Variants in ARHGEF38 observed in about 807,000 individuals in gnomAD.
The protein encoded by ARHGEF38 is Rho guanine nucleotide exchange factor (GEF) 38.
A neutral mutation model predicts 79.9 loss-of-function variants in ARHGEF38; 79 were observed. That is an observed-to-expected ratio of 0.99 (90% confidence interval 0.82 to 1.19). ARHGEF38 has a LOEUF of 1.19. Among genes scored for constraint, ARHGEF38 ranks in the 50% most tolerant of loss-of-function variants. The pLI, the probability that ARHGEF38 is intolerant of heterozygous loss-of-function variation, is 0.00. For synonymous variants in ARHGEF38, 366 were observed against 328.3 expected, an observed-to-expected ratio of 1.11 and a Z score of -1.24; for missense variants, 962 against 907.2, an observed-to-expected ratio of 1.06 and a Z score of -0.78.
chr4:105,565,956 C>T (rs1394654637), intron 1 of ARHGEF38, among the ~76,000 whole-genome samples: 1 of 152,100 alleles, frequency 6.6e-6, no homozygotes, highest in Non-Finnish European at 1.5e-5. Flanking sequence ...TTAGACTAAG[C>T]TTAACTCCCT....
At chr4:105,663,849 A>G (rs1730651611) in intron 10 of ARHGEF38, among the ~76,000 whole-genome samples, 1 of 152,130 alleles carries the variant, frequency 6.6e-6, no homozygotes, top group South Asian at 2.1e-4. Context: ...ACATGCCTGT[A>G]ATCCCAGCTA....
chr4:105,598,139 TCACGCTATG>T (rs1210340329), intron 2 of ARHGEF38, among the ~76,000 whole-genome samples: 2 of 152,206 alleles, frequency 1.3e-5, no homozygotes, highest in Non-Finnish European at 2.9e-5. Flanking sequence ...TGGCTGTTTC[TCACGCTATG>T]CTTGAAACAC....
At chr4:105,559,008 A>G (rs1052032226) in intron 1 of ARHGEF38, among the ~76,000 whole-genome samples, 2 of 150,746 alleles carry the variant, frequency 1.3e-5, no homozygotes, top group African/African-American at 2.4e-5. Flanking sequence ...AGAGAAAAGC[A>G]CCCAAGCCAC....
intron 2 of ARHGEF38, 26 bp from the exon 3 acceptor site, chr4:105,613,358 C>G: frequency 6.2e-7 from 1 of 1,606,184 alleles, no homozygotes; most frequent in Non-Finnish European, 8.5e-7. Flanking sequence ...GCTTCTCCAT[C>G]AGCTCAATGT....
intron 5 of ARHGEF38, among the ~76,000 whole-genome samples, chr4:105,642,158 T>C (rs1284719423): frequency 6.6e-6 from 1 of 151,920 alleles, no homozygotes; most frequent in African/African-American, 2.4e-5. Context: ...TTAGATGGGG[T>C]GAATTTTGTG....
chr4:105,581,269 A>T (rs539175835), intron 1 of ARHGEF38, among the ~76,000 whole-genome samples: 2 of 152,088 alleles, frequency 1.3e-5, no homozygotes, highest in East Asian at 3.9e-4. Flanking sequence ...TTGGTGGGAG[A>T]TGTTTCTCCT....
intron 4 of ARHGEF38, chr4:105,632,643 A>C (rs1349473190): frequency 6.6e-6 from 1 of 152,160 alleles, no homozygotes; most frequent in African/African-American, 2.4e-5. Context: ...GCAAGATCTG[A>C]TCCAATAAAA....
chr4:105,678,090 C>T lies in ARHGEF38; in HGVS notation c.*153C>T, dbSNP rs1688592841. ...TTTTCAGGAATACTGTACTTCCTAACAGGATTATTGCATGAATGTATTATA... is the reference window on the plus strand; with the variant it reads ...TTTTCAGGAATACTGTACTTCCTAATAGGATTATTGCATGAATGTATTATA... On this transcript the variant is annotated 3_prime_UTR_variant, in exon 14 of 14. Transcript: ENST00000420470. 1.9e-6 allele frequency: 1 copy of T among 534,162 alleles called. No homozygotes were observed. Among genetic ancestry groups the T allele is most frequent in the East Asian group, 3.0e-5 (1 of 33,856 alleles). The allele number at this position is 534,162 out of a possible 1,614,324, so 33.1% of individuals were successfully genotyped here.
intron 5 of ARHGEF38, among the ~76,000 whole-genome samples, chr4:105,639,469 A>G (rs1729533996): frequency 6.6e-6 from 1 of 151,954 alleles, no homozygotes; most frequent in African/African-American, 2.4e-5. Flanking sequence ...TTAGTTTATA[A>G]AGGATGATCC....
chr4:105,633,028 A>T (rs1308525455), intron 4 of ARHGEF38: 2 of 152,736 alleles, frequency 1.3e-5, no homozygotes, highest in Non-Finnish European at 2.9e-5. Context: ...TTATTTTCAG[A>T]CCCAATGGCT....
intron 1 of ARHGEF38, among the ~76,000 whole-genome samples, chr4:105,580,034 G>T (rs1726707669): frequency 2.0e-5 from 3 of 152,074 alleles, no homozygotes; most frequent in Non-Finnish European, 1.5e-5. Context: ...GTTCAGAATA[G>T]TCTCTGATGA....
Position 105,631,077 on chromosome 4 carries a change from C to A in ARHGEF38, c.656+32C>A, listed in dbSNP as rs573186872. 3.1e-5 allele frequency: 50 copies of A among 1,591,340 alleles called. No homozygotes were observed. In the South Asian group the frequency reaches 5.7e-4, roughly 18 times the overall value. On this transcript the variant is annotated intron_variant, in intron 4 of 13. Transcript: ENST00000420470. ...CCTTTTCAAATGATGATTCCCATCT[C>A]CTCTCAGTTGCCTAGCAGGGAACAT...
intron 1 of ARHGEF38, among the ~76,000 whole-genome samples, chr4:105,582,164 C>CAAAAAAA (rs33936132): frequency 8.5e-6 from 1 of 118,270 alleles, no homozygotes; most frequent in Non-Finnish European, 1.7e-5. Context: ...GACTCCGTCT[C>CAAAAAAA]AAAAAAAAAA....
chr4:105,577,006 A>G (rs1486674191), intron 1 of ARHGEF38, among the ~76,000 whole-genome samples: 1 of 152,094 alleles, frequency 6.6e-6, no homozygotes, highest in Admixed American at 6.6e-5. Flanking sequence ...TTGCTGTTAG[A>G]TTCAGCTAGC....
chr4:105,580,094 G>A (rs988854411), intron 1 of ARHGEF38, among the ~76,000 whole-genome samples: 2 of 96,078 alleles, frequency 2.1e-5, no homozygotes, highest in Non-Finnish European at 4.3e-5. Context: ...ATTGCCAATT[G>A]TGTTCATTTG....
chr4:105,644,229 C>T (rs1174558773), intron 5 of ARHGEF38, among the ~76,000 whole-genome samples: 5 of 152,140 alleles, frequency 3.3e-5, no homozygotes, highest in African/African-American at 1.2e-4. Flanking sequence ...AGCTGTTTTA[C>T]TATTCTAATA....
chr4:105,628,670 C>T (rs1389796316), intron 3 of ARHGEF38, among the ~76,000 whole-genome samples: 1 of 152,040 alleles, frequency 6.6e-6, no homozygotes, highest in East Asian at 1.9e-4. Context: ...GAAAGCACTA[C>T]TAAAACAAAC....
intron 7 of ARHGEF38, among the ~76,000 whole-genome samples, chr4:105,653,428 C>G (rs199752297): frequency 6.6e-6 from 1 of 151,442 alleles, no homozygotes; most frequent in Non-Finnish European, 1.5e-5. Flanking sequence ...GTTCAAGCGA[C>G]TCTCCTGCCT....
intron 1 of ARHGEF38, among the ~76,000 whole-genome samples, chr4:105,566,662 T>C (rs1179806049): frequency 6.6e-6 from 1 of 152,160 alleles, no homozygotes; most frequent in African/African-American, 2.4e-5. Context: ...GACTTACTTA[T>C]TATTTCTAAC....
Sources: gnomAD v4.1 joint callset for allele counts (sites outside exome capture counted in the v4.1 genomes callset) on GRCh38, gnomAD v4.1.1 for gene constraint, MANE v1.5 for transcripts, NCBI Gene and HGNC (gene_info 2026-07-23, HGNC 2026-07-21) for gene names.